The following NKAIN2 variants were observed in gnomAD, a reference collection of about 807,000 sequenced individuals.
NKAIN2 encodes sodium/potassium-transporting ATPase subunit beta-1-interacting protein 2.
Under a neutral mutation model 32.6 loss-of-function variants are expected in NKAIN2, and 14 were observed. The observed-to-expected ratio is 0.43, with a 90% CI of 0.28 to 0.67. The LOEUF is 0.67. Ranked by LOEUF, NKAIN2 falls within the 30% of genes least tolerant of loss-of-function variation. The probability of loss-of-function intolerance (pLI) is 0.17; values close to 1 mark genes in which losing one functional copy is unlikely to be tolerated. For missense variants in NKAIN2, 198 were observed against 258.3 expected (o/e 0.77, Z 1.60); for synonymous variants, 80 against 87.2 (o/e 0.92, Z 0.46).
At chr6:124,449,657 C>G (rs1776023246) in intron 3 of NKAIN2, among the ~76,000 whole-genome samples, 1 of 152,076 alleles carries the variant, frequency 6.6e-6, no homozygotes, top group African/African-American at 2.4e-5. Flanking sequence ...CATACACACA[C>G]ATACACACAC....
chr6:123,949,518 C>T (rs1777227124), intron 1 of NKAIN2, among the ~76,000 whole-genome samples: 1 of 151,766 alleles, frequency 6.6e-6, no homozygotes, highest in African/African-American at 2.4e-5. Flanking sequence ...GTCTTTCACC[C>T]ACTTTGTTGA....
At chr6:124,436,238 G>A (rs894756940) in intron 3 of NKAIN2, among the ~76,000 whole-genome samples, 3 of 152,092 alleles carry the variant, frequency 2.0e-5, no homozygotes, top group African/African-American at 7.2e-5. Context: ...ATTAAAACTA[G>A]CTAAAAAAGA....
At chr6:124,043,929 A>G (rs1431413726) in intron 1 of NKAIN2, among the ~76,000 whole-genome samples, 3 of 152,072 alleles carry the variant, frequency 2.0e-5, no homozygotes, top group Non-Finnish European at 4.4e-5. Flanking sequence ...AAGACAAACC[A>G]TAGTGTATTG....
chr6:124,090,004 A>C (rs1472263346), intron 1 of NKAIN2, among the ~76,000 whole-genome samples: 1 of 151,952 alleles, frequency 6.6e-6, no homozygotes, highest in Non-Finnish European at 1.5e-5. Flanking sequence ...TTGCATATGT[A>C]CACACCAGTA....
chr6:124,323,031 A>T (rs1231349306), intron 2 of NKAIN2, among the ~76,000 whole-genome samples: 1 of 152,204 alleles, frequency 6.6e-6, no homozygotes, highest in Admixed American at 6.5e-5. Flanking sequence ...GGCTAGTGAT[A>T]CTGAAAATGT....
intron 1 of NKAIN2, among the ~76,000 whole-genome samples, chr6:123,959,025 T>A (rs1426770352): frequency 6.6e-6 from 1 of 152,194 alleles, no homozygotes; most frequent in African/African-American, 2.4e-5. Flanking sequence ...GGGTGATTTA[T>A]TCAAGTTATC....
At chr6:124,522,909 C>T (rs1478053381) in intron 3 of NKAIN2, among the ~76,000 whole-genome samples, 1 of 151,332 alleles carries the variant, frequency 6.6e-6, no homozygotes, top group Non-Finnish European at 1.5e-5. Flanking sequence ...TTTGGGAGGC[C>T]GAGGCGGGCG....
At chr6:124,758,407 CTA>C (rs1778064182) in intron 4 of NKAIN2, among the ~76,000 whole-genome samples, 1 of 152,152 alleles carries the variant, frequency 6.6e-6, no homozygotes, top group Admixed American at 6.5e-5. Context: ...AGACAGTCCT[CTA>C]TGAGCCAGGA....
intron 1 of NKAIN2, among the ~76,000 whole-genome samples, chr6:124,149,929 A>C (rs1475762555): frequency 6.6e-6 from 1 of 152,080 alleles, no homozygotes; most frequent in African/African-American, 2.4e-5. Flanking sequence ...AGCCAACACA[A>C]CCTGTAGGTA....
intron 1 of NKAIN2, among the ~76,000 whole-genome samples, chr6:123,920,019 G>A (rs1011929005): frequency 6.6e-6 from 1 of 152,108 alleles, no homozygotes; most frequent in African/African-American, 2.4e-5. Flanking sequence ...ATGCAAAAGA[G>A]TAGAAGGCCC....
At chr6:123,825,967 C>G (rs1774131595) in intron 1 of NKAIN2, among the ~76,000 whole-genome samples, 2 of 152,234 alleles carry the variant, frequency 1.3e-5, no homozygotes, top group East Asian at 1.9e-4. Flanking sequence ...CTGATAGTTA[C>G]TGTTTTGTAT....
Position 124,823,237 on chromosome 6 carries a change from G to A in NKAIN2, c.*8G>A. 1 of 1,593,596 alleles carries A rather than the reference G, an allele frequency of 6.3e-7. No homozygotes were observed. The highest frequency in any genetic ancestry group is 1.1e-5 in the South Asian group (1 of 90,680). On this transcript the variant is annotated 3_prime_UTR_variant, in exon 7 of 7. Coordinates refer to ENST00000368417, the MANE Select transcript of NKAIN2 (RefSeq NM_001040214.3). ...TCTCTCAGGTCAAAATAATACAGAT[G>A]ACTTCAGTATGTCAGCCCATGGACC...
At chr6:124,512,173 T>A (rs1301960605) in intron 3 of NKAIN2, among the ~76,000 whole-genome samples, 1 of 152,152 alleles carries the variant, frequency 6.6e-6, no homozygotes, top group Non-Finnish European at 1.5e-5. Flanking sequence ...TGGAGACTAA[T>A]GGAAAGGATG....
chr6:124,110,377 G>T (rs550852553), intron 1 of NKAIN2, among the ~76,000 whole-genome samples: 3 of 151,962 alleles, frequency 2.0e-5, no homozygotes, highest in Non-Finnish European at 4.4e-5. Flanking sequence ...GGTTTCTGCT[G>T]CTTTTTTCTC....
At chr6:124,439,716 T>G (rs1775610537) in intron 3 of NKAIN2, among the ~76,000 whole-genome samples, 1 of 151,932 alleles carries the variant, frequency 6.6e-6, no homozygotes, top group Non-Finnish European at 1.5e-5. Context: ...AATAAAACAG[T>G]AACACAAGCC....
intron 1 of NKAIN2, among the ~76,000 whole-genome samples, chr6:124,233,396 T>C (rs1329895828): frequency 3.3e-5 from 5 of 152,200 alleles, no homozygotes; most frequent in Non-Finnish European, 7.3e-5. Context: ...CTTTCCCACC[T>C]GTGTATCCAG....
At chr6:123,881,969 C>T (rs1253724573) in intron 1 of NKAIN2, among the ~76,000 whole-genome samples, 1 of 151,876 alleles carries the variant, frequency 6.6e-6, no homozygotes, top group African/African-American at 2.4e-5. Context: ...TAGAAGGGTG[C>T]CGTATCTTAA....
At chr6:124,812,877 C>T (rs1220831342) in intron 5 of NKAIN2, among the ~76,000 whole-genome samples, 2 of 152,082 alleles carry the variant, frequency 1.3e-5, no homozygotes, top group Non-Finnish European at 2.9e-5. Context: ...CCATTCATCT[C>T]AAATTCATTG....
At chr6:124,805,691 G>A (rs944643892) in intron 5 of NKAIN2, among the ~76,000 whole-genome samples, 6 of 151,592 alleles carry the variant, frequency 4.0e-5, no homozygotes, top group Admixed American at 6.6e-5. Flanking sequence ...ATCAAACTAC[G>A]AGCTACAGGA....
Sources: allele counts gnomAD v4.1 joint callset (sites outside exome capture counted in the v4.1 genomes callset), GRCh38; gene constraint gnomAD v4.1.1; transcripts MANE v1.5; gene names NCBI Gene and HGNC (gene_info 2026-07-23, HGNC 2026-07-21).